ZFYVE28: variants seen among roughly 807,000 people sequenced by gnomAD.
The protein encoded by ZFYVE28 is lateral signaling target protein 2 homolog.
Under a neutral mutation model 82.1 loss-of-function variants are expected in ZFYVE28, and 40 were observed. The observed-to-expected ratio is 0.49, with a 90% CI of 0.38 to 0.63. The LOEUF is 0.63. Among genes scored for constraint, ZFYVE28 ranks in the 30% least tolerant of loss-of-function variants. ZFYVE28 has a pLI of 0.00. For missense variants in ZFYVE28, 1,321 were observed against 1,242.1 expected, an observed-to-expected ratio of 1.06 and a Z score of -0.96; for synonymous variants, 612 against 546.1, an observed-to-expected ratio of 1.12 and a Z score of -1.68.
At chr4:2,371,663 C>T (rs893286806) in intron 1 of ZFYVE28, among the ~76,000 whole-genome samples, 2 of 152,178 alleles carry the variant, frequency 1.3e-5, no homozygotes, top group African/African-American at 4.8e-5. Flanking sequence ...GACAAACAAA[C>T]AAACAAAAAA....
At chr4:2,367,705 G>A (rs1366403421) in intron 1 of ZFYVE28, among the ~76,000 whole-genome samples, 1 of 152,202 alleles carries the variant, frequency 6.6e-6, no homozygotes, top group African/African-American at 2.4e-5. Context: ...GGATGCTCTG[G>A]CCTTTGCTTT....
At chr4:2,321,533 C>T (rs556886709) in intron 6 of ZFYVE28, among the ~76,000 whole-genome samples, 3 of 152,046 alleles carry the variant, frequency 2.0e-5, no homozygotes. Context: ...GCACAACCAG[C>T]CTTCCATTCT....
rs546509398 is a variant in ZFYVE28 at position 2,296,110 on chromosome 4, C to T, written c.2051+8179G>A. Reference sequence around the variant, plus strand: ...GACCATCCCCTCAGCCAGGCCTCCCCGAGAGCACAGCCAGGCTGGGGCCTT... The same window carrying T: ...GACCATCCCCTCAGCCAGGCCTCCCTGAGAGCACAGCCAGGCTGGGGCCTT... On this transcript the variant is annotated intron_variant, in intron 8 of 12. Transcript: ENST00000290974. Among the ~76,000 whole-genome samples, 7 of 152,324 alleles carry T rather than the reference C, an allele frequency of 4.6e-5. No homozygotes were observed. The East Asian group carries it at 1.2e-3, about 25-fold the overall frequency.
intron 4 of ZFYVE28, among the ~76,000 whole-genome samples, chr4:2,338,106 C>T (rs890376415): frequency 9.8e-5 from 15 of 152,352 alleles, no homozygotes; most frequent in Admixed American, 6.5e-4. Flanking sequence ...GAGAGAGAAA[C>T]GAATGAACAC....
intron 2 of ZFYVE28, among the ~76,000 whole-genome samples, chr4:2,350,611 C>A (rs1724275969): frequency 6.6e-6 from 1 of 152,206 alleles, no homozygotes; most frequent in South Asian, 2.1e-4. Flanking sequence ...TAGACAGCTT[C>A]AGGATGGGGG....
chr4:2,323,996 CT>C (rs1322061888), intron 6 of ZFYVE28, among the ~76,000 whole-genome samples: 2 of 152,018 alleles, frequency 1.3e-5, no homozygotes, highest in Admixed American at 1.3e-4. Context: ...CTCTTTTTAT[CT>C]TTTTGTGGTG....
chr4:2,317,790 G>A lies in ZFYVE28; in HGVS notation c.803+2380C>T, dbSNP rs909525423. Among the ~76,000 whole-genome samples the A allele has an allele frequency of 5.3e-5, 8 of 152,134 alleles. No individual in the cohort carries two copies. In the East Asian group the frequency reaches 7.7e-4, roughly 15 times the overall value. ...TGGGATTACAGGCGTCCGCCACCAC[G>A]CCCAGCTAATTTTTATATTTTTAGT... On this transcript the variant is annotated intron_variant, in intron 7 of 12. Transcript: ENST00000290974.
Position 2,339,586 on chromosome 4 carries a change from C to T in ZFYVE28, c.388G>A (p.Glu130Lys). The T allele has an allele frequency of 6.2e-7, 1 of 1,612,332 alleles. No individual in the cohort carries two copies. Among genetic ancestry groups the T allele is most frequent in the Non-Finnish European group, 8.5e-7 (1 of 1,179,528 alleles). The change falls in exon 4 of 13, where the codon GAG (glutamate) becomes AAG (lysine). Residue 130 changes from glutamate (E) to lysine (K), a missense_variant. Around this residue, in one of 2 missense-constraint regions of ZFYVE28, gnomAD observed 343 missense variants for 408.4 expected, o/e 0.84. Coordinates refer to ENST00000290974, the MANE Select transcript of ZFYVE28 (RefSeq NM_020972.3). This position sits in a 1 kb window ranked among gnomAD's most constrained non-coding sequence, Gnocchi z 5.0. ...ESMAMRPLAK[E>K]LTRSLEDVRG... ...ACGTCCTCCAGGCTGCGCGTCAGCT[C>T]CTTGGCCAGCGGGCGCATGGCCATG...
In ZFYVE28 at chr4:2,345,069, G is replaced by A. The variant is rs189186927; in HGVS notation, c.181-3454C>T. On this transcript the variant is annotated intron_variant, in intron 2 of 12. Transcript: ENST00000290974. ...TACTAAAAATACAAAAAAAATAGCC[G>A]GGCACCTGTAGTCCCAGCTACTTGG... Among the ~76,000 whole-genome samples, 203 of 151,716 alleles carry A rather than the reference G, an allele frequency of 1.3e-3. 1 individual carries two copies. Among genetic ancestry groups the A allele is most frequent in the African/African-American group, 3.4e-3 (139 of 41,336 alleles).
chr4:2,271,765 G>A lies in ZFYVE28; in HGVS notation c.2338C>T (p.Arg780Trp), dbSNP rs750815522. 1.7e-5 allele frequency: 27 copies of A among 1,613,632 alleles called. No individual in the cohort carries two copies. Among genetic ancestry groups the A allele is most frequent in the South Asian group, 4.4e-5 (4 of 91,092 alleles). The part of the protein sequence containing the change: ...EKLRKVTQTL[R>W]SAALEDCALC... Reference sequence around the variant, plus strand: ...GCACAGTCCTCCAAGGCCGCACTCCGCAGAGTCTGGGTGACTAGTGGAGAA... The same window carrying A: ...GCACAGTCCTCCAAGGCCGCACTCCACAGAGTCTGGGTGACTAGTGGAGAA... The change falls in exon 11 of 13, where the codon CGG becomes TGG. Residue 780 changes from arginine to tryptophan, a missense_variant. Physicochemically the swap from Arg to Trp is moderately radical, Grantham distance 101 (BLOSUM62 -3). Coordinates refer to ENST00000290974, the MANE Select transcript of ZFYVE28 (RefSeq NM_020972.3).
At chr4:2,277,715 G>A (rs969699674) in intron 8 of ZFYVE28, among the ~76,000 whole-genome samples, 11 of 152,136 alleles carry the variant, frequency 7.2e-5, no homozygotes, top group African/African-American at 1.7e-4. Context: ...AAGACATCTC[G>A]TGTTCACAGG....
Position 2,304,679 on chromosome 4 carries a change from G to T in ZFYVE28, c.1661C>A (p.Thr554Asn), listed in dbSNP as rs1241048728. The T allele has an allele frequency of 1.9e-6, 3 of 1,612,522 alleles. No individual in the cohort carries two copies. In the African/African-American group the frequency reaches 4.0e-5, roughly 22 times the overall value. ...GMDGGPHKLS[T>N]GATNCLLHSC... ...ATGCAGAAGGCAGTTGGTGGCCCCA[G>T]TGCTAAGCTTGTGGGGGCCGCCATC... The change falls in exon 8 of 13, where the codon ACT becomes AAT. Residue 554 changes from threonine to asparagine, a missense_variant. Around this residue, in one of 2 missense-constraint regions of ZFYVE28, gnomAD observed 978 missense variants for 833.7 expected, o/e 1.17. Coordinates refer to ENST00000290974, the MANE Select transcript of ZFYVE28 (RefSeq NM_020972.3).
rs116261447 is a variant in ZFYVE28, at chr4:2,372,585, G to A, written c.40-18512C>T. 6.0e-3 allele frequency among the ~76,000 whole-genome samples: 913 copies of A among 152,288 alleles called. 5 individuals are homozygous for A. The highest frequency in any genetic ancestry group is 0.02 in the African/African-American group (823 of 41,556). On this transcript the variant is annotated intron_variant, in intron 1 of 12. Coordinates refer to ENST00000290974, the MANE Select transcript of ZFYVE28 (RefSeq NM_020972.3). The surrounding 1 kb of genome is among the most constrained non-coding windows in gnomAD (Gnocchi z 5.2). The stretch of plus-strand genomic sequence containing the variant: ...GAGGGGTACACAGAGGTGCGGGCAG[G>A]CAGGGGTGCTGGGGTTCTGAACAGG...
At chr4:2,327,416 T>C (rs1316142593) in intron 6 of ZFYVE28, among the ~76,000 whole-genome samples, 2 of 151,336 alleles carry the variant, frequency 1.3e-5, no homozygotes, top group African/African-American at 4.9e-5. Context: ...TTCAATACTA[T>C]ATTTAATAGA....
chr4:2,318,280 G>T (rs552804187), intron 7 of ZFYVE28, among the ~76,000 whole-genome samples: 5 of 152,276 alleles, frequency 3.3e-5, no homozygotes, highest in South Asian at 4.1e-4. Context: ...TCTTTTGGCT[G>T]GTCGCAGTGG....
intron 1 of ZFYVE28, among the ~76,000 whole-genome samples, chr4:2,360,389 T>TCA (rs10545681): frequency 0.14 from 19,671 of 143,102 alleles, 1,322 homozygotes; most frequent in African/African-American, 0.14. Flanking sequence ...AGAGCTGTAA[T>TCA]CACACACACA....
At chr4:2,308,883 C>G (rs1248359475) in intron 7 of ZFYVE28, among the ~76,000 whole-genome samples, 1 of 152,170 alleles carries the variant, frequency 6.6e-6, no homozygotes, top group Non-Finnish European at 1.5e-5. Context: ...GTTCCTCTCT[C>G]TGAATGGAAT....
intron 1 of ZFYVE28, among the ~76,000 whole-genome samples, chr4:2,371,637 G>T (rs1051644143): frequency 6.6e-6 from 1 of 152,056 alleles, no homozygotes; most frequent in Non-Finnish European, 1.5e-5. Context: ...AGGGGCTCCC[G>T]GCAGGGCAAA....
chr4:2,332,682 A>T lies in ZFYVE28; in HGVS notation c.701+3023T>A, dbSNP rs1720897057. On this transcript the variant is annotated intron_variant, in intron 6 of 12. Coordinates refer to ENST00000290974, the MANE Select transcript of ZFYVE28 (RefSeq NM_020972.3). The surrounding 1 kb of genome is among the most constrained non-coding windows in gnomAD (Gnocchi z 4.7). ...TGTGGCCTCTGCCTGTCCGGCTCAA[A>T]GCGGTCGCTGTGGATGACGAGGAAC... Among the ~76,000 whole-genome samples, 1 of 152,176 alleles carries T rather than the reference A, an allele frequency of 6.6e-6. No individual in the cohort carries two copies. The highest frequency in any genetic ancestry group is 1.5e-5 in the Non-Finnish European group (1 of 68,022).
Sources: allele counts gnomAD v4.1 joint callset (sites outside exome capture counted in the v4.1 genomes callset), GRCh38; gene constraint gnomAD v4.1.1; regional missense constraint gnomAD v4.1.1; non-coding constraint Gnocchi (gnomAD v3.1); transcripts MANE v1.5; gene names NCBI Gene and HGNC (gene_info 2026-07-23, HGNC 2026-07-21).